NABP2: variants seen among roughly 807,000 people sequenced by gnomAD.
The protein encoded by NABP2 is SOSS complex subunit B1.
Under a neutral mutation model 22.7 loss-of-function variants are expected in NABP2, and 7 were observed. That is an observed-to-expected ratio of 0.31 (90% CI 0.18 to 0.58). The LOEUF (loss-of-function observed/expected upper bound fraction) is 0.58. Among genes scored for constraint, NABP2 ranks in the 20% least tolerant of loss-of-function variants. The pLI is 0.89. For synonymous variants in NABP2, 107 were observed against 99.2 expected (o/e 1.08, Z -0.47); for missense variants, 188 against 265.9 (o/e 0.71, Z 2.04).
intron 6 of NABP2, among the ~76,000 whole-genome samples, chr12:56,227,103 A>G (rs980977505): frequency 4.7e-5 from 7 of 150,226 alleles, no homozygotes; most frequent in Non-Finnish European, 8.9e-5. Flanking sequence ...GGCTGGGCGC[A>G]GTGGCTCATG....
chr12:56,225,032 G>T, intron 2 of NABP2, 97 bp downstream of exon 2: 2 of 890,552 alleles, frequency 2.2e-6, no homozygotes, highest in Non-Finnish European at 3.6e-6. Flanking sequence ...GGATGGCAAG[G>T]CAAGCTGCAA....
At chr12:56,226,557 C>CG in intron 6 of NABP2, 138 bp downstream of exon 6, 1 of 271,338 alleles carries the variant, frequency 3.7e-6, no homozygotes, top group Non-Finnish European at 6.4e-6. Flanking sequence ...TCCCAGACCC[C>CG]TTTTTTTTTT....
At chr12:56,223,284 A>C (rs1247369939), upstream of NABP2, among the ~76,000 whole-genome samples, 1 of 152,070 alleles carries the variant, frequency 6.6e-6, no homozygotes, top group Non-Finnish European at 1.5e-5. Flanking sequence ...TAGTATGGCC[A>C]GGTGCAGCGG....
chr12:56,226,275 C>T lies in NABP2; in HGVS notation c.372+15C>T, dbSNP rs1245755810. 2 of 1,614,102 alleles carry T rather than the reference C, an allele frequency of 1.2e-6. No homozygotes were observed. The highest frequency in any genetic ancestry group is 1.1e-5 in the South Asian group (1 of 91,080). ...CCAACAAGGCGGTGAGTCCTGTGGC[C>T]ACAATGGTGGGAAAGGAGGGCAGAT... On this transcript the variant is annotated intron_variant, in intron 5 of 6. Coordinates refer to ENST00000267023, the MANE Select transcript of NABP2 (RefSeq NM_024068.4).
upstream of NABP2, among the ~76,000 whole-genome samples, chr12:56,222,583 C>T (rs1274495): frequency 6.6e-6 from 1 of 152,094 alleles, no homozygotes; most frequent in African/African-American, 2.4e-5. Context: ...CCTTAGCTTA[C>T]AACACCGTGG....
At chr12:56,228,415 C>T (rs1424583475) in intron 6 of NABP2, among the ~76,000 whole-genome samples, 1 of 148,414 alleles carries the variant, frequency 6.7e-6, no homozygotes, top group African/African-American at 2.5e-5. Context: ...GAGAAGGAGT[C>T]TCACACTGTC....
chr12:56,225,231 C>T (rs553324712), intron 2 of NABP2, 142 bp from the exon 3 acceptor site: 1 of 1,152,962 alleles, frequency 8.7e-7, no homozygotes, highest in Non-Finnish European at 1.3e-6. Flanking sequence ...CAATCCCAAC[C>T]CTTTATGCCC....
At chr12:56,224,338 G>A (rs767298711), upstream of NABP2, 54 of 987,558 alleles carry the variant, frequency 5.5e-5, no homozygotes, top group East Asian at 4.5e-4. Flanking sequence ...TTCCGGGAAT[G>A]TCCGCACTCC....
upstream of NABP2, chr12:56,222,181 T>G (rs989406748): frequency 2.0e-5 from 3 of 152,318 alleles, no homozygotes; most frequent in Non-Finnish European, 4.4e-5. Flanking sequence ...CGGCCACGCT[T>G]CGCTTTGGAG....
chr12:56,222,700 A>G (rs965388562), upstream of NABP2, among the ~76,000 whole-genome samples: 8 of 152,234 alleles, frequency 5.3e-5, no homozygotes, highest in East Asian at 1.9e-4. Flanking sequence ...CCAAGGCATT[A>G]CAATCACATG....
At chr12:56,227,101 G>T (rs1438387010) in intron 6 of NABP2, among the ~76,000 whole-genome samples, 1 of 151,668 alleles carries the variant, frequency 6.6e-6, no homozygotes, top group Non-Finnish European at 1.5e-5. Flanking sequence ...CTGGCTGGGC[G>T]CAGTGGCTCA....
At chr12:56,222,820 T>G (rs577535263), upstream of NABP2, among the ~76,000 whole-genome samples, 1 of 152,342 alleles carries the variant, frequency 6.6e-6, no homozygotes, top group African/African-American at 2.4e-5. Flanking sequence ...TTATGTAATT[T>G]GTTTATACAC....
chr12:56,226,415 T>C lies in NABP2; in HGVS notation c.432T>C (p.Ser144=). ...CTACCACTGGACCCTCTGCTGCCTC[T>C]CCAGGTAAATCTGTTCCCTTCTATC... is the stretch of plus-strand genomic sequence containing the variant. The part of the protein sequence containing the change: ...SQPTTGPSAA[S]PASENQNGNG... The change falls in exon 6 of 7, where the codon TCT becomes TCC. Residue 144 remains serine (S), a synonymous_variant. Transcript: ENST00000267023. The C allele has an allele frequency of 6.2e-7, 1 of 1,612,960 alleles. No homozygotes were observed. The highest frequency in any genetic ancestry group is 8.5e-7 in the Non-Finnish European group (1 of 1,179,960).
chr12:56,224,513 A>T (rs1274471137), intron 1 of NABP2, 72 bp downstream of exon 1: 2 of 1,098,506 alleles, frequency 1.8e-6, no homozygotes, highest in Non-Finnish European at 2.2e-6. Flanking sequence ...GTTCCGGAAG[A>T]TCTGGCCAGT....
intron 6 of NABP2, 77 bp downstream of exon 6, chr12:56,226,496 ATTCCTT>A (rs1171741403): frequency 1.6e-6 from 2 of 1,271,920 alleles, no homozygotes; most frequent in African/African-American, 3.1e-5. Context: ...CATTTCCCTC[ATTCCTT>A]TTCCAAATCT....
rs1870039141 is a variant in NABP2 at position 56,229,811 on chromosome 12, A to C, written c.*598A>C. The C allele has an allele frequency of 6.5e-6, 1 of 154,874 alleles. No homozygotes were observed. The highest frequency in any genetic ancestry group is 2.4e-5 in the African/African-American group (1 of 41,416). 9.6% of individuals were successfully genotyped at this position (154,874 alleles called of 1,614,324 possible). On this transcript the variant is annotated 3_prime_UTR_variant, in exon 7 of 7. Transcript: ENST00000267023. ...CTGTTTCTTCTGTGTGAGACATGGG[A>C]GTCTAACTGAAGTCTCTCCTTCCTA...
At chr12:56,227,593 ACAGTGGT>A (rs1244286432) in intron 6 of NABP2, among the ~76,000 whole-genome samples, 2 of 152,208 alleles carry the variant, frequency 1.3e-5, no homozygotes, top group Non-Finnish European at 2.9e-5. Flanking sequence ...AAGTTCAATG[ACAGTGGT>A]ATGTCCAGAG....
At position 56,229,345 on chromosome 12, in the gene NABP2, C is replaced by G. The variant is rs919987310; in HGVS notation, c.*132C>G. ...TCAGTGGAGGGTGGTGAGCAGTGTC[C>G]TTATCCACCCTAATCTCATACTCCC... On this transcript the variant is annotated 3_prime_UTR_variant, in exon 7 of 7. Transcript: ENST00000267023. 2.2e-6 allele frequency: 2 copies of G among 898,888 alleles called. No individual in the cohort carries two copies. Among genetic ancestry groups the G allele is most frequent in the Non-Finnish European group, 3.4e-6 (2 of 580,584 alleles). 55.7% of individuals were successfully genotyped at this position (898,888 alleles called of 1,614,324 possible).
rs1321487620 is a variant in NABP2, at chr12:56,229,139, C to T, written c.562C>T (p.Pro188Ser). The stretch of plus-strand genomic sequence containing the variant: ...CACTCGAAGCCAGCCCAACCACACA[C>T]CTGCAGGCCCGCCTGGCCCTTCCAG... ...RITRSQPNHT[P>S]AGPPGPSSNP... Residue 188 changes from proline to serine, a missense_variant, in exon 7 of 7, where the codon CCT becomes TCT. Transcript: ENST00000267023. 5.0e-6 allele frequency: 8 copies of T among 1,601,096 alleles called. No homozygotes were observed. The highest frequency in any genetic ancestry group is 1.4e-5 in the African/African-American group (1 of 73,152).
Sources: allele counts gnomAD v4.1 joint callset (sites outside exome capture counted in the v4.1 genomes callset), GRCh38; gene constraint gnomAD v4.1.1; transcripts MANE v1.5; gene names NCBI Gene and HGNC (gene_info 2026-07-23, HGNC 2026-07-21).